Variants in SLC25A21 observed in about 807,000 individuals in gnomAD.
The protein encoded by SLC25A21 is mitochondrial 2-oxodicarboxylate carrier.
SLC25A21 carries 47 observed loss-of-function variants against 43.8 expected under a neutral mutation model. The observed-to-expected ratio is 1.07, with a 90% CI of 0.85 to 1.37. SLC25A21 has a LOEUF of 1.37. Among genes scored for constraint, SLC25A21 ranks in the 40% most tolerant of loss-of-function variants. The pLI is 0.00. For synonymous variants in SLC25A21, 131 were observed against 121.3 expected (o/e 1.08, Z -0.52); for missense variants, 352 against 350.2 (o/e 1.00, Z -0.04).
intron 2 of SLC25A21, among the ~76,000 whole-genome samples, chr14:36,837,719 C>G (rs537835613): frequency 6.6e-6 from 1 of 152,288 alleles, no homozygotes; most frequent in South Asian, 2.1e-4. Context: ...TTCCTTGACT[C>G]TCTCAACACC....
At chr14:37,086,918 T>C (rs1030522496) in intron 1 of SLC25A21, among the ~76,000 whole-genome samples, 1 of 152,210 alleles carries the variant, frequency 6.6e-6, no homozygotes, top group Admixed American at 6.5e-5. Context: ...GAAGACTTTA[T>C]TTCAGCTTCA....
chr14:36,720,860 T>G (rs8010088), intron 6 of SLC25A21, among the ~76,000 whole-genome samples: 29,790 of 152,136 alleles, frequency 0.2, 3,158 homozygotes, highest in Admixed American at 0.33. Flanking sequence ...TTTAAAGACC[T>G]TATCAACAGG....
chr14:37,144,285 T>C (rs1963621585), intron 1 of SLC25A21, among the ~76,000 whole-genome samples: 1 of 152,266 alleles, frequency 6.6e-6, no homozygotes. Flanking sequence ...GTATTACTTA[T>C]CTCAATTAAT....
chr14:36,690,313 T>A (rs1284214045), intron 7 of SLC25A21, among the ~76,000 whole-genome samples: 1 of 152,228 alleles, frequency 6.6e-6, no homozygotes, highest in Non-Finnish European at 1.5e-5. Context: ...CAATGTCATG[T>A]GCAAAAAGTG....
intron 2 of SLC25A21, among the ~76,000 whole-genome samples, chr14:36,849,886 C>G (rs887092030): frequency 7.2e-5 from 11 of 152,128 alleles, no homozygotes; most frequent in African/African-American, 2.7e-4. Context: ...TACTCATTAA[C>G]TCACTGTTAA....
chr14:36,713,247 G>A (rs970954041), intron 6 of SLC25A21, among the ~76,000 whole-genome samples: 2 of 152,136 alleles, frequency 1.3e-5, no homozygotes. Flanking sequence ...AAAAACATGG[G>A]TATAAAGATG....
At chr14:36,748,009 A>G (rs1224887826) in intron 3 of SLC25A21, among the ~76,000 whole-genome samples, 1 of 152,214 alleles carries the variant, frequency 6.6e-6, no homozygotes. Flanking sequence ...CTTTACAATT[A>G]TTATCCCATT....
At chr14:37,027,792 C>T (rs574042478) in intron 1 of SLC25A21, among the ~76,000 whole-genome samples, 2 of 152,278 alleles carry the variant, frequency 1.3e-5, no homozygotes, top group African/African-American at 4.8e-5. Flanking sequence ...AATTATTGCT[C>T]TAGTGCGGTT....
chr14:36,926,497 T>C (rs1347416067), intron 1 of SLC25A21, among the ~76,000 whole-genome samples: 1 of 151,870 alleles, frequency 6.6e-6, no homozygotes, highest in African/African-American at 2.4e-5. Context: ...GAGAGGTGGG[T>C]GGGACACTAA....
intron 1 of SLC25A21, among the ~76,000 whole-genome samples, chr14:37,100,764 T>C (rs900136911): frequency 6.6e-6 from 1 of 152,220 alleles, no homozygotes; most frequent in Non-Finnish European, 1.5e-5. Flanking sequence ...TGGGTGATTC[T>C]GGAGTCAGTC....
intron 1 of SLC25A21, among the ~76,000 whole-genome samples, chr14:37,147,111 G>T (rs1413056625): frequency 6.6e-6 from 1 of 152,110 alleles, no homozygotes; most frequent in Non-Finnish European, 1.5e-5. Flanking sequence ...CTTCACCCTT[G>T]TCTCTTAGGA....
At chr14:36,835,694 TA>T (rs2138488329) in intron 2 of SLC25A21, among the ~76,000 whole-genome samples, 1 of 152,318 alleles carries the variant, frequency 6.6e-6, no homozygotes, top group African/African-American at 2.4e-5. Context: ...TTTGTGAAAA[TA>T]TAACATGTTC....
chr14:37,070,344 T>C (rs1962145375), intron 1 of SLC25A21, among the ~76,000 whole-genome samples: 1 of 152,228 alleles, frequency 6.6e-6, no homozygotes, highest in Non-Finnish European at 1.5e-5. Flanking sequence ...ATTTATATTT[T>C]CAATCTGCAT....
chr14:37,133,192 C>T (rs1963420817), intron 1 of SLC25A21, among the ~76,000 whole-genome samples: 3 of 151,522 alleles, frequency 2.0e-5, no homozygotes, highest in South Asian at 2.1e-4. Flanking sequence ...CACACAAACA[C>T]GAGAATCACT....
intron 1 of SLC25A21, among the ~76,000 whole-genome samples, chr14:37,029,758 C>CTTTTTT (rs57538608): frequency 6.6e-5 from 7 of 106,272 alleles, no homozygotes; most frequent in Non-Finnish European, 1.2e-4. Flanking sequence ...TAATAGCCGA[C>CTTTTTT]TTTTTTTTTT....
chr14:37,085,843 C>T (rs1169870661), intron 1 of SLC25A21, among the ~76,000 whole-genome samples: 2 of 152,164 alleles, frequency 1.3e-5, no homozygotes, highest in African/African-American at 2.4e-5. Context: ...CGGTGGCTTA[C>T]GCCTGTAATC....
chr14:36,966,306 T>C (rs1385804426), intron 1 of SLC25A21, among the ~76,000 whole-genome samples: 1 of 152,176 alleles, frequency 6.6e-6, no homozygotes, highest in Non-Finnish European at 1.5e-5. Context: ...TGTTACTCCA[T>C]AGCCATCCTA....
chr14:36,906,237 CA>C (rs1891529812), intron 1 of SLC25A21, among the ~76,000 whole-genome samples: 1 of 152,024 alleles, frequency 6.6e-6, no homozygotes, highest in Non-Finnish European at 1.5e-5. Flanking sequence ...TTAAGTAAAA[CA>C]ATGACTTTTT....
intron 1 of SLC25A21, among the ~76,000 whole-genome samples, chr14:36,916,031 T>C (rs1456824735): frequency 6.6e-6 from 1 of 152,128 alleles, no homozygotes; most frequent in Non-Finnish European, 1.5e-5. Flanking sequence ...GAAACAACCA[T>C]GGAAGTACAA....
Sources: gnomAD v4.1 joint callset for allele counts (sites outside exome capture counted in the v4.1 genomes callset) on GRCh38, gnomAD v4.1.1 for gene constraint, MANE v1.5 for transcripts, NCBI Gene and HGNC (gene_info 2026-07-23, HGNC 2026-07-21) for gene names.